Variants in CTTNBP2 observed in about 807,000 individuals in gnomAD.
The protein encoded by CTTNBP2 is cortactin binding protein 2, also known as cortactin-binding protein 2.
Under a neutral mutation model 156.9 loss-of-function variants are expected in CTTNBP2, and 108 were observed. The observed-to-expected ratio is 0.69, with a 90% CI of 0.59 to 0.81. The LOEUF (loss-of-function observed/expected upper bound fraction) is 0.81, where lower values mean the gene tolerates loss of function less well. Among genes scored for constraint, CTTNBP2 ranks in the 30% least tolerant of loss-of-function variants. The pLI is 0.00. For synonymous variants in CTTNBP2, 767 were observed against 751.8 expected (o/e 1.02, Z -0.33); for missense variants, 1,924 against 2,035.4 (o/e 0.95, Z 1.05).
At chr7:117,817,361 A>ATATATATATATATAT (rs1298639361) in intron 2 of CTTNBP2, among the ~76,000 whole-genome samples, 2,246 of 53,152 alleles carry the variant, frequency 0.042, 380 homozygotes, top group Non-Finnish European at 0.045. Flanking sequence ...AAAAAAAAAA[A>ATATATATATATATAT]ATATATATAT....
intron 9 of CTTNBP2, among the ~76,000 whole-genome samples, chr7:117,761,591 T>C (rs766341533): frequency 3.3e-5 from 5 of 152,316 alleles, no homozygotes; most frequent in Middle Eastern, 3.4e-3. Flanking sequence ...TTAGAGACAG[T>C]TTAGGAACTG....
At chr7:117,858,880 A>T (rs1026438090) in intron 2 of CTTNBP2, among the ~76,000 whole-genome samples, 1 of 152,100 alleles carries the variant, frequency 6.6e-6, no homozygotes, top group African/African-American at 2.4e-5. Flanking sequence ...CATTTCAGAA[A>T]ATCACCTCAC....
chr7:117,785,814 C>T (rs1798676191), intron 4 of CTTNBP2, among the ~76,000 whole-genome samples: 1 of 152,190 alleles, frequency 6.6e-6, no homozygotes, highest in Non-Finnish European at 1.5e-5. Flanking sequence ...TTTGACTTTA[C>T]ATCCTTTTGC....
In CTTNBP2 at chr7:117,846,146, C is replaced by G. The variant is rs988157917; in HGVS notation, c.189+15063G>C. Among the ~76,000 whole-genome samples, 4 of 152,164 alleles carry G rather than the reference C, an allele frequency of 2.6e-5. No individual in the cohort carries two copies. In the South Asian group the frequency reaches 6.2e-4, roughly 24 times the overall value. On this transcript the variant is annotated intron_variant, in intron 2 of 22. Coordinates refer to ENST00000160373, the MANE Select transcript of CTTNBP2 (RefSeq NM_033427.3). ...GATTACAGGCGTGAGCCACCGCGCC[C>G]GGTCCTGTTAAATATTTTGAATGCC...
intron 1 of CTTNBP2, 42 bp from the exon 2 acceptor site, chr7:117,861,358 T>C: frequency 7.3e-7 from 1 of 1,375,994 alleles, no homozygotes; most frequent in Non-Finnish European, 1.0e-6. Flanking sequence ...AATCTTTTCC[T>C]AAGGAAGACA....
chr7:117,816,075 C>T (rs1800558527), intron 2 of CTTNBP2, among the ~76,000 whole-genome samples: 1 of 152,182 alleles, frequency 6.6e-6, no homozygotes, highest in Admixed American at 6.5e-5. Context: ...AGGGAAGTCT[C>T]CTTCCCAGGG....
intron 20 of CTTNBP2, among the ~76,000 whole-genome samples, chr7:117,720,661 C>T (rs1216279860): frequency 6.6e-6 from 1 of 152,104 alleles, no homozygotes. Context: ...CCACTGCACT[C>T]CAGCCTGGGC....
At chr7:117,789,801 TAGCAAAAGAAGTC>T (rs1798894385) in intron 4 of CTTNBP2, among the ~76,000 whole-genome samples, 4 of 152,094 alleles carry the variant, frequency 2.6e-5, no homozygotes, top group African/African-American at 9.7e-5. Context: ...CCCATATGAG[TAGCAAAAGAAGTC>T]ACCAAAAATG....
At chr7:117,752,160 A>C (rs2116598885) in intron 12 of CTTNBP2, among the ~76,000 whole-genome samples, 1 of 152,280 alleles carries the variant, frequency 6.6e-6, no homozygotes, top group Non-Finnish European at 1.5e-5. Flanking sequence ...ACGGAGAATA[A>C]CTAGGCTCTC....
chr7:117,781,693 G>A (rs1048180041), intron 6 of CTTNBP2, among the ~76,000 whole-genome samples: 2 of 152,156 alleles, frequency 1.3e-5, no homozygotes, highest in Non-Finnish European at 2.9e-5. Context: ...AGCTGAGATT[G>A]CACCACTATA....
chr7:117,762,706 C>A lies in CTTNBP2; in HGVS notation c.2897-1996G>T, dbSNP rs1010433045. On this transcript the variant is annotated intron_variant, in intron 9 of 22. Transcript: ENST00000160373. ...TGTGCATCAGATCCCATCTCTCCTA[C>A]AATCGAACACTGCAATGGCTACCTT... Among the ~76,000 whole-genome samples, 3 of 152,226 alleles carry A rather than the reference C, an allele frequency of 2.0e-5. No homozygotes were observed. The South Asian group carries it at 6.2e-4, about 32-fold the overall frequency.
At chr7:117,783,212 C>A (rs112399001) in intron 5 of CTTNBP2, among the ~76,000 whole-genome samples, 1 of 151,944 alleles carries the variant, frequency 6.6e-6, no homozygotes, top group Non-Finnish European at 1.5e-5. Flanking sequence ...TGTGCCCATG[C>A]GTGTGTGCAT....
At chr7:117,717,372 GT>G (rs1794470655) in intron 22 of CTTNBP2, among the ~76,000 whole-genome samples, 1 of 150,662 alleles carries the variant, frequency 6.6e-6, no homozygotes, top group East Asian at 2.1e-4. Flanking sequence ...TCAGTGCTTT[GT>G]TTTGTTATAA....
chr7:117,731,547 A>T (rs1035988539), intron 16 of CTTNBP2, among the ~76,000 whole-genome samples: 4 of 152,246 alleles, frequency 2.6e-5, no homozygotes, highest in African/African-American at 7.2e-5. Context: ...ATGTTTACAG[A>T]ATAACCAGCT....
At chr7:117,771,738 A>G (rs1797807304) in intron 8 of CTTNBP2, among the ~76,000 whole-genome samples, 1 of 152,232 alleles carries the variant, frequency 6.6e-6, no homozygotes, top group Non-Finnish European at 1.5e-5. Flanking sequence ...CACGGTATAT[A>G]TAAAGATTAA....
intron 7 of CTTNBP2, 44 bp from the exon 8 acceptor site, chr7:117,777,809 A>G: frequency 1.3e-6 from 2 of 1,550,084 alleles, no homozygotes; most frequent in South Asian, 1.2e-5. Flanking sequence ...TAACAACATT[A>G]ATGTCAAGGA....
intron 4 of CTTNBP2, among the ~76,000 whole-genome samples, chr7:117,785,458 G>T (rs1205823474): frequency 1.3e-5 from 2 of 152,088 alleles, no homozygotes; most frequent in Non-Finnish European, 2.9e-5. Flanking sequence ...TTTCCTTATA[G>T]GGTTCTAATA....
intron 2 of CTTNBP2, among the ~76,000 whole-genome samples, chr7:117,846,879 A>AT (rs1405429678): frequency 3.3e-5 from 5 of 152,012 alleles, no homozygotes; most frequent in South Asian, 2.1e-4. Context: ...GTAACTAAAA[A>AT]AATATATATA....
chr7:117,810,857 G>C lies in CTTNBP2; in HGVS notation c.322C>G (p.Leu108Val). The stretch of plus-strand genomic sequence containing the variant: ...GCCATGACTGCTTCAAGGATGGAGA[G>C]GGGGTTGGTACAAACTGGCTTCTTC... Reference protein sequence around the residue: ...KEKKPVCTNPLSILEAVMAHC... With the variant: ...KEKKPVCTNPVSILEAVMAHC... The change falls in exon 3 of 23, where the codon CTC (leucine) becomes GTC (valine). Residue 108 changes from leucine (L) to valine (V), a missense_variant. Physicochemically the swap from Leu to Val is conservative, Grantham distance 32 (BLOSUM62 1). Transcript: ENST00000160373. 1 of 1,614,094 alleles carries C rather than the reference G, an allele frequency of 6.2e-7. No homozygotes were observed. Among genetic ancestry groups the C allele is most frequent in the East Asian group, 2.2e-5 (1 of 44,876 alleles).
Sources: allele counts gnomAD v4.1 joint callset (sites outside exome capture counted in the v4.1 genomes callset), GRCh38; gene constraint gnomAD v4.1.1; transcripts MANE v1.5; gene names NCBI Gene and HGNC (gene_info 2026-07-23, HGNC 2026-07-21).